Variants in YAP1 observed in about 807,000 individuals in gnomAD.
The protein encoded by YAP1 is Yes1 associated transcriptional regulator, also known as transcriptional coactivator YAP1.
A neutral mutation model predicts 56.9 loss-of-function variants in YAP1; 5 were observed. The ratio of observed to expected loss-of-function variants is 0.09; its 90% CI spans 0.05 to 0.18. The LOEUF is 0.18. Ranked by LOEUF, YAP1 falls within the 10% of genes least tolerant of loss-of-function variation. YAP1 has a pLI of 1.00. For missense variants in YAP1, 539 were observed against 651.8 expected (o/e 0.83, Z 1.88); for synonymous variants, 265 against 248.1 (o/e 1.07, Z -0.64).
chr11:102,126,608 T>G (rs1324961808), intron 2 of YAP1, among the ~76,000 whole-genome samples: 2 of 152,232 alleles, frequency 1.3e-5, no homozygotes, highest in Admixed American at 6.5e-5. Context: ...AACCGCTTTT[T>G]CTTCCCAGTC....
At chr11:102,150,942 A>G (rs1276796303) in intron 2 of YAP1, among the ~76,000 whole-genome samples, 1 of 151,854 alleles carries the variant, frequency 6.6e-6, no homozygotes, top group Non-Finnish European at 1.5e-5. Flanking sequence ...CTAGGATTAC[A>G]GGTGTGCACC....
chr11:102,171,436 T>C (rs1289218740), intron 3 of YAP1, among the ~76,000 whole-genome samples: 1 of 152,228 alleles, frequency 6.6e-6, no homozygotes, highest in Non-Finnish European at 1.5e-5. Flanking sequence ...TCTTTTGATG[T>C]TAGTAAGGTA....
Position 102,187,019 on chromosome 11 carries a change from G to A in YAP1, c.802+888G>A, listed in dbSNP as rs148041544. On this transcript the variant is annotated intron_variant, in intron 4 of 8. Coordinates refer to ENST00000282441, the MANE Select transcript of YAP1 (RefSeq NM_001130145.3). ...TGAATAGGTCAGACTGAGGGGACTC[G>A]GAACCTTTGAAGCTTTACAGGGTTT... is the stretch of plus-strand genomic sequence containing the variant. 8.5e-5 allele frequency among the ~76,000 whole-genome samples: 13 copies of A among 152,174 alleles called. No individual in the cohort carries two copies. In the East Asian group the frequency reaches 1.2e-3, roughly 14 times the overall value.
At chr11:102,124,461 CA>C (rs1358834171) in intron 2 of YAP1, among the ~76,000 whole-genome samples, 1 of 152,166 alleles carries the variant, frequency 6.6e-6, no homozygotes. Flanking sequence ...CAAGATTTTG[CA>C]GTACAGTTGC....
At chr11:102,112,719 T>C in intron 1 of YAP1, 3 of 985,374 alleles carry the variant, frequency 3.0e-6, no homozygotes, top group Non-Finnish European at 3.6e-6. Context: ...ATTTAGCTGC[T>C]TGCCTAAACA....
intron 2 of YAP1, among the ~76,000 whole-genome samples, chr11:102,114,914 C>CT (rs1339019050): frequency 6.6e-6 from 1 of 152,070 alleles, no homozygotes; most frequent in African/African-American, 2.4e-5. Flanking sequence ...CTTGATGTGA[C>CT]TTACCAATAT....
intron 1 of YAP1, among the ~76,000 whole-genome samples, chr11:102,113,245 C>A (rs1347175802): frequency 1.3e-5 from 2 of 152,154 alleles, no homozygotes; most frequent in Non-Finnish European, 2.9e-5. Context: ...ATGAATAGTA[C>A]AAATCTAGGT....
At chr11:102,147,340 A>C (rs1235089697) in intron 2 of YAP1, among the ~76,000 whole-genome samples, 2 of 152,182 alleles carry the variant, frequency 1.3e-5, no homozygotes, top group African/African-American at 4.8e-5. Context: ...TCTAGTCTCT[A>C]TTCTGATACT....
chr11:102,215,735 T>C lies in YAP1; in HGVS notation c.1032+6171T>C, dbSNP rs1281723151. 1.3e-5 allele frequency among the ~76,000 whole-genome samples: 2 copies of C among 152,246 alleles called. 1 individual carries two copies. Among genetic ancestry groups the C allele is most frequent in the Middle Eastern group, 6.3e-3 (2 of 316 alleles). On this transcript the variant is annotated intron_variant, in intron 6 of 8. Coordinates refer to ENST00000282441, the MANE Select transcript of YAP1 (RefSeq NM_001130145.3). ...CTCAGGTGATCCACCTGCCTTGGCC[T>C]CCCAAAGTGTTGGGATTACAGTCAT...
intron 3 of YAP1, among the ~76,000 whole-genome samples, chr11:102,175,935 T>C (rs1300472095): frequency 6.6e-6 from 1 of 152,200 alleles, no homozygotes; most frequent in Non-Finnish European, 1.5e-5. Flanking sequence ...CTATTTCCAT[T>C]GCGTCTGCCT....
chr11:102,142,579 C>T (rs1402664119), intron 2 of YAP1, among the ~76,000 whole-genome samples: 1 of 152,348 alleles, frequency 6.6e-6, no homozygotes, highest in South Asian at 2.1e-4. Context: ...CATAGCCAGA[C>T]ACTTTCCATA....
chr11:102,197,000 A>C (rs1024712837), intron 4 of YAP1, among the ~76,000 whole-genome samples: 2 of 152,208 alleles, frequency 1.3e-5, no homozygotes, highest in African/African-American at 4.8e-5. Context: ...TTGATGATTC[A>C]GTCCCCTTAG....
At chr11:102,192,056 C>G (rs557955209) in intron 4 of YAP1, among the ~76,000 whole-genome samples, 14 of 152,330 alleles carry the variant, frequency 9.2e-5, no homozygotes, top group Non-Finnish European at 2.1e-4. Flanking sequence ...TTACCCAATT[C>G]TTGCCTCACC....
rs1313439630 is a variant in YAP1, at chr11:102,230,226, GTT to G, written c.*288_*289del. On this transcript the variant is annotated 3_prime_UTR_variant, in exon 9 of 9. Coordinates refer to ENST00000282441, the MANE Select transcript of YAP1 (RefSeq NM_001130145.3). Reference sequence around the variant, plus strand: ...TTTGGGGGCTGGGGGAAGTGAGCCTGTTTGGATGATGGATGCCATTCCTTTTG... The same window carrying G: ...TTTGGGGGCTGGGGGAAGTGAGCCTGTGGATGATGGATGCCATTCCTTTTG... 1.5e-5 allele frequency: 4 copies of G among 272,684 alleles called. No homozygotes were observed. Among genetic ancestry groups the G allele is most frequent in the Non-Finnish European group, 2.8e-5 (4 of 142,862 alleles). 16.9% of individuals were successfully genotyped at this position (272,684 alleles called of 1,614,324 possible).
rs896277887 is a variant in YAP1 at position 102,114,454 on chromosome 11, G to A, written c.572+60G>A. The stretch of plus-strand genomic sequence containing the variant: ...AGACAAATATGTATTGGAAAACACA[G>A]TAAAGTGGTGTCAAGATACAGAATA... On this transcript the variant is annotated intron_variant, in intron 2 of 8. Coordinates refer to ENST00000282441, the MANE Select transcript of YAP1 (RefSeq NM_001130145.3). 21 of 1,557,262 alleles carry A rather than the reference G, an allele frequency of 1.3e-5. No homozygotes were observed. The African/African-American group carries it at 2.6e-4, about 19-fold the overall frequency.
At chr11:102,125,924 C>T (rs1045435137) in intron 2 of YAP1, among the ~76,000 whole-genome samples, 2 of 151,984 alleles carry the variant, frequency 1.3e-5, no homozygotes, top group Non-Finnish European at 2.9e-5. Context: ...TAGTAATTTC[C>T]TCTTTTAGCA....
At chr11:102,158,505 GA>G (rs1172530907) in intron 2 of YAP1, among the ~76,000 whole-genome samples, 5 of 152,162 alleles carry the variant, frequency 3.3e-5, no homozygotes, top group Admixed American at 3.3e-4. Context: ...GGGTTGGGTG[GA>G]GCCTGAGTTT....
intron 4 of YAP1, among the ~76,000 whole-genome samples, chr11:102,189,029 C>G (rs1224492533): frequency 1.3e-5 from 2 of 150,966 alleles, no homozygotes; most frequent in Non-Finnish European, 3.0e-5. Flanking sequence ...ATAAGGATGC[C>G]CTGATGTTTA....
At chr11:102,134,829 C>T (rs994591830) in intron 2 of YAP1, among the ~76,000 whole-genome samples, 3 of 152,162 alleles carry the variant, frequency 2.0e-5, no homozygotes, top group African/African-American at 7.2e-5. Context: ...TGGCCTCAGC[C>T]TCCTGAGTAG....
Sources: gnomAD v4.1 joint callset for allele counts (sites outside exome capture counted in the v4.1 genomes callset) on GRCh38, gnomAD v4.1.1 for gene constraint, MANE v1.5 for transcripts, NCBI Gene and HGNC (gene_info 2026-07-23, HGNC 2026-07-21) for gene names.